Variants in USP48 observed in about 807,000 individuals in gnomAD.
The protein encoded by USP48 is ubiquitin specific peptidase 48, also known as ubiquitin carboxyl-terminal hydrolase 48.
A neutral mutation model predicts 150.7 loss-of-function variants in USP48; 43 were observed. The observed-to-expected ratio is 0.29, with a 90% CI of 0.22 to 0.37. The LOEUF (loss-of-function observed/expected upper bound fraction) is 0.37. USP48 is among the 10% of genes least tolerant of loss of function. The pLI, the probability that USP48 is intolerant of heterozygous loss-of-function variation, is 1.00. For synonymous variants in USP48, 396 were observed against 425.9 expected (o/e 0.93, Z 0.86); for missense variants, 813 against 1,249.6 (o/e 0.65, Z 5.27).
chr1:21,770,474 C>T (rs1572041775), intron 1 of USP48, among the ~76,000 whole-genome samples: 1 of 143,462 alleles, frequency 7.0e-6, no homozygotes, highest in Non-Finnish European at 1.5e-5. Context: ...ATTAGTCAAT[C>T]AAGTGTCTTT....
intron 7 of USP48, 41 bp from the exon 8 acceptor site, chr1:21,747,190 AT>A (rs2097796546): frequency 7.1e-7 from 1 of 1,416,714 alleles, no homozygotes; most frequent in African/African-American, 1.4e-5. Flanking sequence ...ATTTAAAACA[AT>A]CATAATACAA....
chr1:21,728,474 A>G (rs2097745978), intron 11 of USP48, 96 bp downstream of exon 11: 1 of 1,508,548 alleles, frequency 6.6e-7, no homozygotes, highest in Non-Finnish European at 8.8e-7. Context: ...GTTATTAGAA[A>G]GAGTAAGTTT....
chr1:21,713,840 A>G (rs1030855469), intron 15 of USP48, among the ~76,000 whole-genome samples: 2 of 152,194 alleles, frequency 1.3e-5, no homozygotes, highest in African/African-American at 4.8e-5. Flanking sequence ...TAAAAGACCA[A>G]CCAGTAGACA....
intron 3 of USP48, among the ~76,000 whole-genome samples, chr1:21,753,933 C>G (rs2097824404): frequency 6.6e-6 from 1 of 150,988 alleles, no homozygotes; most frequent in Non-Finnish European, 1.5e-5. Context: ...GAGGCCATGG[C>G]TGGCGGATCA....
At chr1:21,690,953 A>C (rs965054386) in intron 23 of USP48, among the ~76,000 whole-genome samples, 1 of 152,168 alleles carries the variant, frequency 6.6e-6, no homozygotes, top group African/African-American at 2.4e-5. Context: ...TTTTGTCTCT[A>C]GGAAGCAAAA....
chr1:21,738,770 G>C lies in USP48; in HGVS notation c.992-2145C>G, dbSNP rs144701216. Among the ~76,000 whole-genome samples, 257 of 152,072 alleles carry C rather than the reference G, an allele frequency of 1.7e-3. 2 individuals carry two copies. The highest frequency in any genetic ancestry group is 3.3e-3 in the Admixed American group (51 of 15,246). On this transcript the variant is annotated intron_variant, in intron 8 of 26. Coordinates refer to ENST00000308271, the MANE Select transcript of USP48 (RefSeq NM_032236.8). ...AAAGAGTACATCACAGCAGAGTATAGCCAATCACTCATTAGACAAACAGTA... is the reference window on the plus strand; with the variant it reads ...AAAGAGTACATCACAGCAGAGTATACCCAATCACTCATTAGACAAACAGTA...
intron 22 of USP48, 100 bp downstream of exon 22, chr1:21,701,398 A>G (rs1359950064): frequency 3.3e-6 from 3 of 904,772 alleles, no homozygotes; most frequent in African/African-American, 1.7e-5. Context: ...AAAAGAACCA[A>G]TATCCCATAC....
At chr1:21,697,847 C>A (rs953776793) in intron 22 of USP48, among the ~76,000 whole-genome samples, 1 of 151,966 alleles carries the variant, frequency 6.6e-6, no homozygotes, top group South Asian at 2.1e-4. Flanking sequence ...TTAAATGGAT[C>A]TAAAGGCTTT....
Position 21,724,033 on chromosome 1 carries a change from T to G in USP48, c.1513A>C (p.Lys505Gln). 6.2e-7 allele frequency: 1 copy of G among 1,614,220 alleles called. No homozygotes were observed. The highest frequency in any genetic ancestry group is 8.5e-7 in the Non-Finnish European group (1 of 1,180,038). Residue 505 changes from lysine (K) to glutamine (Q), a missense_variant, in exon 12 of 27, where the codon AAA (lysine) becomes CAA (glutamine). By Grantham distance (53) the Lys-to-Gln change is moderately conservative (BLOSUM62 1). Coordinates refer to ENST00000308271, the MANE Select transcript of USP48 (RefSeq NM_032236.8). ...AGGCAAGCGTGATTATCAATAGGTT[T>G]GGTAGGTGTTGATTCATCCAACCAC... ...QKWLDESTPT[K>Q]PIDNHACLCS...
intron 12 of USP48, among the ~76,000 whole-genome samples, chr1:21,723,284 C>CTT (rs2097726912): frequency 6.6e-6 from 1 of 151,886 alleles, no homozygotes; most frequent in Admixed American, 6.6e-5. Context: ...TTTGGGAGGG[C>CTT]GAGGTTGAGT....
intron 23 of USP48, among the ~76,000 whole-genome samples, chr1:21,693,111 C>T (rs1346456855): frequency 6.6e-6 from 1 of 152,128 alleles, no homozygotes; most frequent in Admixed American, 6.6e-5. Context: ...AGCCATTTCA[C>T]TTCTGTGCCA....
At chr1:21,691,016 T>C (rs561593209) in intron 23 of USP48, among the ~76,000 whole-genome samples, 2 of 152,050 alleles carry the variant, frequency 1.3e-5, no homozygotes, top group African/African-American at 2.4e-5. Context: ...TCTGGCCAAG[T>C]GTTAAAAATT....
intron 25 of USP48, among the ~76,000 whole-genome samples, chr1:21,683,456 C>G (rs2097572255): frequency 6.6e-6 from 1 of 152,012 alleles, no homozygotes; most frequent in Non-Finnish European, 1.5e-5. Flanking sequence ...ATGATGACAG[C>G]TCACTGCAGC....
At chr1:21,729,651 G>C (rs960613653) in intron 10 of USP48, 53 bp downstream of exon 10, 28 of 1,584,352 alleles carry the variant, frequency 1.8e-5, no homozygotes, top group Non-Finnish European at 2.3e-5. Context: ...ATTAATCTTT[G>C]AGTATGGCAT....
intron 15 of USP48, among the ~76,000 whole-genome samples, chr1:21,713,599 G>C (rs1335237244): frequency 6.6e-6 from 1 of 152,202 alleles, no homozygotes; most frequent in Non-Finnish European, 1.5e-5. Context: ...TCAAGTGGTA[G>C]CACCAAGCAT....
chr1:21,711,215 G>C (rs1446258222), intron 15 of USP48, among the ~76,000 whole-genome samples: 1 of 152,098 alleles, frequency 6.6e-6, no homozygotes, highest in Non-Finnish European at 1.5e-5. Context: ...ACTCTAAGTT[G>C]GCGAAAGTCA....
At chr1:21,707,253 C>T (rs1171624177) in intron 15 of USP48, among the ~76,000 whole-genome samples, 1 of 152,220 alleles carries the variant, frequency 6.6e-6, no homozygotes, top group Non-Finnish European at 1.5e-5. Context: ...AACAAAATTA[C>T]ATCTACTCCC....
At position 21,679,230 on chromosome 1, in the gene USP48, G is replaced by A. The variant is rs2097558804; in HGVS notation, c.*187C>T. The A allele has an allele frequency of 4.7e-5, 18 of 382,200 alleles. 1 individual carries two copies. Among genetic ancestry groups the A allele is most frequent in the South Asian group, 3.8e-4 (18 of 47,084 alleles). 23.7% of individuals were successfully genotyped at this position (382,200 alleles called of 1,614,324 possible). A position where few individuals can be genotyped will look rare whatever the true frequency, so the allele number is the denominator to read the frequency against. On this transcript the variant is annotated 3_prime_UTR_variant, in exon 27 of 27. Coordinates refer to ENST00000308271, the MANE Select transcript of USP48 (RefSeq NM_032236.8). ...TGGAAACATTTCCTTCAAGTCTGAT[G>A]TCCATCAGTGCAATCTGCTTTATTT...
intron 8 of USP48, among the ~76,000 whole-genome samples, chr1:21,740,108 T>C (rs2097778033): frequency 6.6e-6 from 1 of 152,132 alleles, no homozygotes; most frequent in Non-Finnish European, 1.5e-5. Context: ...ACGGCGTTTC[T>C]CCATGTTGGT....
Sources: allele counts gnomAD v4.1 joint callset (sites outside exome capture counted in the v4.1 genomes callset), GRCh38; gene constraint gnomAD v4.1.1; transcripts MANE v1.5; gene names NCBI Gene and HGNC (gene_info 2026-07-23, HGNC 2026-07-21).